Variants in LMO7 observed in about 807,000 individuals in gnomAD.
The protein encoded by LMO7 is LIM domain 7.
Under a neutral mutation model 206.5 loss-of-function variants are expected in LMO7, and 120 were observed. The observed-to-expected ratio is 0.58, with a 90% CI of 0.50 to 0.68. LMO7 has a LOEUF of 0.68. Among genes scored for constraint, LMO7 ranks in the 30% least tolerant of loss-of-function variants. LMO7 has a pLI of 0.00. For synonymous variants in LMO7, 706 were observed against 681.5 expected, an observed-to-expected ratio of 1.04 and a Z score of -0.56; for missense variants, 1,959 against 1,957.9, an observed-to-expected ratio of 1.00 and a Z score of -0.01.
chr13:75,721,287 A>T (rs2043997105), intron 2 of LMO7, among the ~76,000 whole-genome samples: 1 of 152,248 alleles, frequency 6.6e-6, no homozygotes, highest in African/African-American at 2.4e-5. Context: ...TATTTCACAG[A>T]AATATTTCTG....
intron 2 of LMO7, among the ~76,000 whole-genome samples, chr13:75,625,797 G>A (rs553695361): frequency 6.6e-6 from 1 of 152,282 alleles, no homozygotes; most frequent in African/African-American, 2.4e-5. Context: ...ATTCTGAACC[G>A]ATCTTCATGT....
chr13:75,857,978 G>A lies in LMO7; in HGVS notation c.*35G>A. 6.2e-7 allele frequency: 1 copy of A among 1,609,192 alleles called. No individual in the cohort carries two copies. The highest frequency in any genetic ancestry group is 8.5e-7 in the Non-Finnish European group (1 of 1,177,454). ...CCATACGAAAGCACTGTTGCAGATA[G>A]AAGAAGAGGTGGTTGCTGCTCATGT... is the stretch of plus-strand genomic sequence containing the variant. On this transcript the variant is annotated 3_prime_UTR_variant, in exon 31 of 31. Coordinates refer to ENST00000377534, the MANE Select transcript of LMO7 (RefSeq NM_001306080.2).
chr13:75,729,839 G>T (rs1224180614), intron 3 of LMO7, among the ~76,000 whole-genome samples: 5 of 149,160 alleles, frequency 3.4e-5, no homozygotes, highest in Non-Finnish European at 6.0e-5. Context: ...TAGCATGAAG[G>T]GTTGTTGAAT....
At chr13:75,753,302 A>G (rs552670955) in intron 3 of LMO7, among the ~76,000 whole-genome samples, 3 of 152,210 alleles carry the variant, frequency 2.0e-5, no homozygotes, top group African/African-American at 7.2e-5. Context: ...TAAATTCTGG[A>G]TATCAGTCTG....
At chr13:75,690,864 G>A (rs941822819) in intron 1 of LMO7, among the ~76,000 whole-genome samples, 5 of 152,084 alleles carry the variant, frequency 3.3e-5, no homozygotes, top group Admixed American at 6.5e-5. Context: ...CTTGCTGAAA[G>A]GATGAACAAT....
intron 1 of LMO7, among the ~76,000 whole-genome samples, chr13:75,640,357 T>C (rs1307185894): frequency 2.0e-5 from 3 of 152,172 alleles, no homozygotes. Context: ...GAGCAACAAA[T>C]GCTCCCTAAT....
rs2061158415 is a variant in LMO7, at chr13:75,859,595, T to C, written c.*1652T>C. The C allele has an allele frequency of 6.6e-6, 1 of 152,236 alleles. No individual in the cohort carries two copies. The highest frequency in any genetic ancestry group is 6.5e-5 in the Admixed American group (1 of 15,292). The allele number at this position is 152,236 out of a possible 1,614,324, so 9.4% of individuals were successfully genotyped here. A position where few individuals can be genotyped will look rare whatever the true frequency, so the allele number is the denominator to read the frequency against. On this transcript the variant is annotated 3_prime_UTR_variant, in exon 31 of 31. Coordinates refer to ENST00000377534, the MANE Select transcript of LMO7 (RefSeq NM_001306080.2). The stretch of plus-strand genomic sequence containing the variant: ...ATATATAAATATGTAAATTCTGTGA[T>C]ACTCTATGATCATCTCTTTCTTTAT...
At chr13:75,631,341 A>T (rs944851747), upstream of LMO7, 3 of 152,194 alleles carry the variant, frequency 2.0e-5, no homozygotes, top group Admixed American at 1.3e-4. Flanking sequence ...ATTCTTAATG[A>T]CTGCACAATA....
At chr13:75,796,135 G>A (rs2053981093) in intron 5 of LMO7, among the ~76,000 whole-genome samples, 1 of 152,160 alleles carries the variant, frequency 6.6e-6, no homozygotes, top group Admixed American at 6.5e-5. Context: ...TTAAGGAAAA[G>A]CACTGACTGT....
At position 75,636,555 on chromosome 13, in the gene LMO7, T is replaced by G; in HGVS notation, c.-103T>G. 1 of 1,530,260 alleles carries G rather than the reference T, an allele frequency of 6.5e-7. No homozygotes were observed. The allele number at this position is 1,530,260 out of a possible 1,614,324, so 94.8% of individuals were successfully genotyped here. A position where few individuals can be genotyped will look rare whatever the true frequency, so the allele number is the denominator to read the frequency against. On this transcript the variant is annotated 5_prime_UTR_variant, in exon 1 of 31. Transcript: ENST00000377534. ...GCAGCCGGAGCGGAAGCCGGAGTTG[T>G]GGGAGGCCCGCGTGCCCTCCCCGCC...
intron 3 of LMO7, among the ~76,000 whole-genome samples, chr13:75,752,632 C>T (rs1296262094): frequency 6.6e-6 from 1 of 152,170 alleles, no homozygotes; most frequent in African/African-American, 2.4e-5. Context: ...ATCATTCACA[C>T]TCTACTTCCA....
At chr13:75,661,349 T>A (rs370922619) in intron 1 of LMO7, among the ~76,000 whole-genome samples, 6 of 152,352 alleles carry the variant, frequency 3.9e-5, no homozygotes, top group African/African-American at 1.4e-4. Context: ...AAGCCAAGAA[T>A]AAAATTCACA....
intron 2 of LMO7, among the ~76,000 whole-genome samples, chr13:75,723,700 T>C (rs2044224750): frequency 1.3e-5 from 2 of 152,276 alleles, no homozygotes; most frequent in Admixed American, 6.5e-5. Context: ...GCCAGCTCTC[T>C]AGTATCTGTC....
intron 1 of LMO7, among the ~76,000 whole-genome samples, chr13:75,699,860 G>C (rs1399173966): frequency 6.6e-6 from 1 of 152,186 alleles, no homozygotes; most frequent in Non-Finnish European, 1.5e-5. Context: ...CTTAATCCTA[G>C]CAAGCCTGGG....
chr13:75,754,544 T>C (rs973402965), intron 3 of LMO7, among the ~76,000 whole-genome samples: 1 of 152,124 alleles, frequency 6.6e-6, no homozygotes, highest in African/African-American at 2.4e-5. Flanking sequence ...ATCTTTTTAA[T>C]AGAAAGGAAT....
At chr13:75,822,679 A>G (rs4885351) in intron 14 of LMO7, among the ~76,000 whole-genome samples, 146,463 of 149,272 alleles carry the variant, frequency 0.98, 71,910 homozygotes, top group East Asian at 1. Context: ...CATCGAAAAT[A>G]TCTAGTGTTG....
chr13:75,832,061 A>C (rs1384537433), intron 15 of LMO7, among the ~76,000 whole-genome samples: 2 of 152,180 alleles, frequency 1.3e-5, no homozygotes, highest in Non-Finnish European at 2.9e-5. Flanking sequence ...AAACAGGTTT[A>C]GGAAGAATTT....
Position 75,856,556 on chromosome 13 carries a change from C to G in LMO7, c.4821C>G (p.Val1607=), listed in dbSNP as rs542805285. 1.2e-6 allele frequency: 2 copies of G among 1,612,594 alleles called. No individual in the cohort carries two copies. The highest frequency in any genetic ancestry group is 1.7e-6 in the Non-Finnish European group (2 of 1,178,938). The change falls in exon 30 of 31, where the codon GTC becomes GTG. Residue 1607 remains valine (V), a synonymous_variant. Transcript: ENST00000377534. ...GAGGCTCTTCCTCAGGAGCTGAAGT[C>G]AGGATCAGAAACCACCAACTGTACT... is the stretch of plus-strand genomic sequence containing the variant. The part of the protein sequence containing the change: ...DLGGSSSGAE[V]RIRNHQLYCN...
At position 75,819,415 on chromosome 13, in the gene LMO7, G is replaced by T. The variant is rs368188917; in HGVS notation, c.2087G>T (p.Arg696Leu). ...WQDDLAKWKD[R>L]RKSYTSDLQK... ...CAGGACCTTGCAAAATGGAAAGATCGTCGAAAAAGTTACACTTCAGATCTG... is the reference window on the plus strand; with the variant it reads ...CAGGACCTTGCAAAATGGAAAGATCTTCGAAAAAGTTACACTTCAGATCTG... Residue 696 changes from arginine to leucine, a missense_variant, in exon 13 of 31, where the codon CGT (arginine) becomes CTT (leucine). Transcript: ENST00000377534. The T allele has an allele frequency of 6.2e-7, 1 of 1,605,880 alleles. No homozygotes were observed.
Sources: gnomAD v4.1 joint callset for allele counts (sites outside exome capture counted in the v4.1 genomes callset) on GRCh38, gnomAD v4.1.1 for gene constraint, MANE v1.5 for transcripts, NCBI Gene and HGNC (gene_info 2026-07-23, HGNC 2026-07-21) for gene names.